The following SEC14L4 variants were observed in gnomAD, a reference collection of about 807,000 sequenced individuals.
SEC14L4 encodes SEC14 like lipid binding 4, also known as SEC14-like protein 4.
In SEC14L4, 42 loss-of-function variants were observed where a neutral mutation model predicts 55.1. The ratio of observed to expected loss-of-function variants is 0.76; its 90% CI spans 0.60 to 0.99. The LOEUF (loss-of-function observed/expected upper bound fraction) is 0.99, where lower values mean the gene tolerates loss of function less well. SEC14L4 is among the 50% of genes least tolerant of loss of function. SEC14L4 has a pLI of 0.00. For synonymous variants in SEC14L4, 206 were observed against 206.8 expected (o/e 1.00, Z 0.03); for missense variants, 445 against 512.1 (o/e 0.87, Z 1.27).
At position 30,495,656 on chromosome 22, in the gene SEC14L4, G is replaced by A; in HGVS notation, c.175-14C>T. On this transcript the variant is annotated splice_polypyrimidine_tract_variant and intron_variant, in intron 3 of 11. Coordinates refer to ENST00000255858, the MANE Select transcript of SEC14L4 (RefSeq NM_174977.4). ...GAACTCCATGTGCTGCAGGAACACA[G>A]CAGGAGCTATAGGATTTTGCAGGAA... 1 of 1,614,086 alleles carries A rather than the reference G, an allele frequency of 6.2e-7. No homozygotes were observed. Among genetic ancestry groups the A allele is most frequent in the South Asian group, 1.1e-5 (1 of 91,072 alleles).
chr22:30,504,037 T>C (rs1014406737), intron 1 of SEC14L4, among the ~76,000 whole-genome samples: 4 of 107,232 alleles, frequency 3.7e-5, no homozygotes, highest in African/African-American at 1.2e-4. Context: ...TTTATTTTAT[T>C]ATTATTTTTA....
chr22:30,492,387 G>C, intron 8 of SEC14L4, 87 bp downstream of exon 8: 1 of 1,324,544 alleles, frequency 7.5e-7, no homozygotes, highest in Non-Finnish European at 1.1e-6. Context: ...TGCCCGAGTA[G>C]AGGACGAGCC....
At chr22:30,498,146 T>TC (rs1936210296) in intron 2 of SEC14L4, among the ~76,000 whole-genome samples, 2 of 147,456 alleles carry the variant, frequency 1.4e-5, no homozygotes, top group Admixed American at 1.3e-4. Context: ...TTTTTTTTTT[T>TC]TGAGACAGAG....
In SEC14L4 at chr22:30,490,084, A is replaced by G; in HGVS notation, c.*23T>C. 6.2e-7 allele frequency: 1 copy of G among 1,611,242 alleles called. No individual in the cohort carries two copies. The highest frequency in any genetic ancestry group is 1.1e-5 in the South Asian group (1 of 90,730). Reference sequence around the variant, plus strand: ...GGTGGGTGTGAAGGGGTTGGAGTGCACAGGTAGAGGTGGCTGGGGTCTTCA... The same window carrying G: ...GGTGGGTGTGAAGGGGTTGGAGTGCGCAGGTAGAGGTGGCTGGGGTCTTCA... On this transcript the variant is annotated 3_prime_UTR_variant, in exon 12 of 12. Transcript: ENST00000255858.
In SEC14L4 at chr22:30,490,241, G is replaced by A. The variant is rs778305624; in HGVS notation, c.1087C>T (p.Leu363=). ...LTCLQAGVYV[L]RFDNTYSRMH... ...CGGCTGTAGGTGTTGTCGAAGCGCA[G>A]GACATCTGCAGTGATGGAGAGGTGA... The change falls in exon 12 of 12, where the codon CTG becomes TTG. Residue 363 remains leucine (L), a synonymous_variant. Coordinates refer to ENST00000255858, the MANE Select transcript of SEC14L4 (RefSeq NM_174977.4). The A allele has an allele frequency of 2.5e-6, 4 of 1,613,236 alleles. No individual in the cohort carries two copies. The East Asian group carries it at 8.9e-5, about 36-fold the overall frequency.
At chr22:30,499,666 GA>G (rs1272085220) in intron 2 of SEC14L4, among the ~76,000 whole-genome samples, 2 of 151,656 alleles carry the variant, frequency 1.3e-5, no homozygotes, top group African/African-American at 4.8e-5. Context: ...TTGAACCTGG[GA>G]GGTGGAGGTT....
intron 2 of SEC14L4, 118 bp downstream of exon 2, chr22:30,503,559 G>A (rs1380056405): frequency 2.6e-5 from 16 of 606,884 alleles, no homozygotes; most frequent in South Asian, 9.1e-5. Context: ...CACCGGGCCC[G>A]GCAAGCCTGT....
intron 2 of SEC14L4, among the ~76,000 whole-genome samples, chr22:30,503,193 CTG>C (rs2146204376): frequency 6.6e-6 from 1 of 152,284 alleles, no homozygotes; most frequent in South Asian, 2.1e-4. Flanking sequence ...GGGTTTTGTG[CTG>C]TGCTCATACA....
chr22:30,495,939 T>G lies in SEC14L4; in HGVS notation c.163A>C (p.Met55Leu), dbSNP rs1308773361. ...RNFDLQKSEDMLRRHMEFRKQ... is the reference protein window; with the variant it reads ...RNFDLQKSEDLLRRHMEFRKQ... ...TCACAGATCCTTACCCTTCGGAGCA[T>G]GTCTTCGGATTTCTGCAGGTCAAAG... Residue 55 changes from methionine to leucine, a missense_variant, in exon 3 of 12, where the codon ATG becomes CTG. Physicochemically the swap from Met to Leu is conservative, Grantham distance 15 (BLOSUM62 2). Transcript: ENST00000255858. The G allele has an allele frequency of 6.2e-6, 10 of 1,613,894 alleles. No homozygotes were observed. Among genetic ancestry groups the G allele is most frequent in the Non-Finnish European group, 7.6e-6 (9 of 1,179,972 alleles).
At chr22:30,503,609 C>T in intron 2 of SEC14L4, 68 bp downstream of exon 2, 2 of 1,169,750 alleles carry the variant, frequency 1.7e-6, no homozygotes, top group Middle Eastern at 3.9e-4. Context: ...TCAAAGTCTC[C>T]CACTCCTCTC....
At position 30,491,600 on chromosome 22, in the gene SEC14L4, T is replaced by G. The variant is rs762961704; in HGVS notation, c.1054A>C (p.Ser352Arg). The change falls in exon 11 of 12, where the codon AGC (serine) becomes CGC (arginine). Residue 352 changes from serine (S) to arginine (R), a missense_variant. Physicochemically the swap from Ser to Arg is moderately radical, Grantham distance 110 (BLOSUM62 -1). Coordinates refer to ENST00000255858, the MANE Select transcript of SEC14L4 (RefSeq NM_174977.4). ...YNAHMVPEDG[S>R]LTCLQAGVYV... ...ACGCCAGCCTGGAGGCAGGTGAGGC[T>G]CCCATCCTCAGGCACCATGTGGGCA... is the stretch of plus-strand genomic sequence containing the variant. 8.1e-6 allele frequency: 13 copies of G among 1,614,072 alleles called. No individual in the cohort carries two copies. The highest frequency in any genetic ancestry group is 1.0e-5 in the Non-Finnish European group (12 of 1,179,994).
chr22:30,501,977 G>A (rs1433555411), intron 2 of SEC14L4, among the ~76,000 whole-genome samples: 3 of 149,506 alleles, frequency 2.0e-5, no homozygotes, highest in Admixed American at 1.3e-4. Flanking sequence ...AGTGATTCTC[G>A]TGCCTCAGCC....
At chr22:30,504,106 G>T (rs1267417021) in intron 1 of SEC14L4, among the ~76,000 whole-genome samples, 1 of 151,374 alleles carries the variant, frequency 6.6e-6, no homozygotes, top group Non-Finnish European at 1.5e-5. Context: ...CGCCCAAGCT[G>T]GAGCGTAGTT....
Position 30,505,579 on chromosome 22 carries a change from C to T in SEC14L4, c.33G>A (p.Gln11=). 1 of 1,570,844 alleles carries T rather than the reference C, an allele frequency of 6.4e-7. No homozygotes were observed. Residue 11 remains glutamine (Q), a synonymous_variant, in exon 1 of 12, where the codon CAG becomes CAA. Coordinates refer to ENST00000255858, the MANE Select transcript of SEC14L4 (RefSeq NM_174977.4). MSSRVGDLSP[Q]QQEALARFRE... The stretch of plus-strand genomic sequence containing the variant: ...TCACCCTGGCCAGCGCTTCCTGCTG[C>T]TGGGGGCTCAGGTCCCCGACTCGGC...
chr22:30,495,170 T>C (rs1936098139), intron 5 of SEC14L4, 84 bp downstream of exon 5: 7 of 1,334,496 alleles, frequency 5.2e-6, no homozygotes, highest in African/African-American at 1.5e-5. Context: ...TGCTGAGGGC[T>C]GGGGAGGGGC....
intron 7 of SEC14L4, among the ~76,000 whole-genome samples, chr22:30,493,211 C>A (rs1324474995): frequency 6.6e-6 from 1 of 152,098 alleles, no homozygotes; most frequent in Admixed American, 6.5e-5. Context: ...AGTATCACTT[C>A]TTTTCCACAC....
At chr22:30,492,267 C>T in intron 8 of SEC14L4, 112 bp from the exon 9 acceptor site, 2 of 1,361,856 alleles carry the variant, frequency 1.5e-6, no homozygotes, top group South Asian at 2.5e-5. Context: ...CTCCCCCGGG[C>T]ACCTACTCCT....
At position 30,490,182 on chromosome 22, in the gene SEC14L4, C is replaced by A; in HGVS notation, c.1146G>T (p.Glu382Asp). The A allele has an allele frequency of 6.2e-7, 1 of 1,614,178 alleles. No homozygotes were observed. Among genetic ancestry groups the A allele is most frequent in the Non-Finnish European group, 8.5e-7 (1 of 1,180,042 alleles). ...CAGAGGCCTTGTCGGGAAGCAGCAC[C>A]TCCACAGTGTAGCTGAGCTTCTTGG... Reference protein sequence around the residue: ...MHAKKLSYTVEVLLPDKASEE... With the variant: ...MHAKKLSYTVDVLLPDKASEE... Residue 382 changes from glutamate (E) to aspartate (D), a missense_variant, in exon 12 of 12, where the codon GAG (glutamate) becomes GAT (aspartate). Glu to Asp is a conservative substitution (Grantham distance 45, BLOSUM62 2). Transcript: ENST00000255858.
chr22:30,491,362 A>G, intron 11 of SEC14L4: 1 of 611,110 alleles, frequency 1.6e-6, no homozygotes, highest in Non-Finnish European at 2.9e-6. Flanking sequence ...GCTGAGCCCA[A>G]GGCCCTAGGT....
Sources: allele counts gnomAD v4.1 joint callset (sites outside exome capture counted in the v4.1 genomes callset), GRCh38; gene constraint gnomAD v4.1.1; transcripts MANE v1.5; gene names NCBI Gene and HGNC (gene_info 2026-07-23, HGNC 2026-07-21).